Variants in DPP6 observed in about 807,000 individuals in gnomAD.
DPP6 encodes the protein dipeptidyl peptidase like 6.
Under a neutral mutation model 122.6 loss-of-function variants are expected in DPP6, and 69 were observed. The ratio of observed to expected loss-of-function variants is 0.56; its 90% CI spans 0.46 to 0.69. The LOEUF is 0.69. Among genes scored for constraint, DPP6 ranks in the 30% least tolerant of loss-of-function variants. DPP6 has a pLI of 0.00. For missense variants in DPP6, 928 were observed against 1,116.9 expected, an observed-to-expected ratio of 0.83 and a Z score of 2.41; for synonymous variants, 418 against 433.1, an observed-to-expected ratio of 0.97 and a Z score of 0.43.
chr7:154,614,642 A>G (rs1834117868), intron 5 of DPP6, among the ~76,000 whole-genome samples: 1 of 152,252 alleles, frequency 6.6e-6, no homozygotes, highest in Non-Finnish European at 1.5e-5. Flanking sequence ...GCAGCAAGGC[A>G]ATCAGTAGAA....
intron 10 of DPP6, among the ~76,000 whole-genome samples, chr7:154,776,206 T>TAGATAGATAGAG (rs761965926): frequency 1.3e-5 from 1 of 79,904 alleles, no homozygotes; most frequent in South Asian, 5.0e-4. Flanking sequence ...AGATGATAGA[T>TAGATAGATAGAG]AGATAGATAG....
At chr7:154,860,725 G>C (rs1803315315) in intron 17 of DPP6, among the ~76,000 whole-genome samples, 1 of 152,250 alleles carries the variant, frequency 6.6e-6, no homozygotes, top group Non-Finnish European at 1.5e-5. Flanking sequence ...GGGTGCAGCA[G>C]CAGGCGACTG....
At chr7:154,722,115 A>G (rs1841847659) in intron 7 of DPP6, among the ~76,000 whole-genome samples, 1 of 152,082 alleles carries the variant, frequency 6.6e-6, no homozygotes, top group Non-Finnish European at 1.5e-5. Flanking sequence ...GGATTGCTTG[A>G]GCCCAGGAGG....
intron 1 of DPP6, among the ~76,000 whole-genome samples, chr7:154,400,475 G>A (rs890066421): frequency 6.6e-6 from 1 of 152,188 alleles, no homozygotes; most frequent in African/African-American, 2.4e-5. Flanking sequence ...GAGATCATGA[G>A]GAAAGGCTCC....
intron 1 of DPP6, among the ~76,000 whole-genome samples, chr7:154,224,659 G>C (rs1800492718): frequency 6.7e-6 from 1 of 148,964 alleles, no homozygotes; most frequent in Admixed American, 6.6e-5. Context: ...TTTGTTTTTG[G>C]TTTCAAAATG....
chr7:153,861,073 A>C, the DPP6 span, among the ~76,000 whole-genome samples: 6 of 152,226 alleles, frequency 3.9e-5, no homozygotes, highest in South Asian at 1.0e-3. Flanking sequence ...AAATGTTCCC[A>C]GTCAGTTAGC....
intron 1 of DPP6, among the ~76,000 whole-genome samples, chr7:154,231,508 T>C (rs1292138165): frequency 6.6e-6 from 1 of 152,052 alleles, no homozygotes; most frequent in Non-Finnish European, 1.5e-5. Flanking sequence ...TGTTGCTGGG[T>C]CTAATAGCAT....
At chr7:153,872,006 A>C in the DPP6 span, among the ~76,000 whole-genome samples, 6 of 152,180 alleles carry the variant, frequency 3.9e-5, no homozygotes, top group African/African-American at 1.4e-4. Flanking sequence ...TTCTCTTGCA[A>C]ATATCCACAT....
intron 4 of DPP6, among the ~76,000 whole-genome samples, chr7:154,556,229 A>G (rs1830031410): frequency 6.6e-6 from 1 of 152,192 alleles, no homozygotes; most frequent in Non-Finnish European, 1.5e-5. Context: ...AGGTACAAAT[A>G]TTATCTACAC....
chr7:153,804,306 C>T, the DPP6 span, among the ~76,000 whole-genome samples: 2 of 152,068 alleles, frequency 1.3e-5, no homozygotes, highest in East Asian at 1.9e-4. Context: ...CCTGCCTTGG[C>T]CTCCCAAAGT....
At chr7:153,867,033 C>G in the DPP6 span, among the ~76,000 whole-genome samples, 1 of 152,136 alleles carries the variant, frequency 6.6e-6, no homozygotes, top group Non-Finnish European at 1.5e-5. Flanking sequence ...ACCAGTACCA[C>G]GCTGTTTTTG....
rs1563055835 is a variant in DPP6 at position 153,964,982 on chromosome 7, TCC to T, written c.51+77249_51+77250del. Among the ~76,000 whole-genome samples, 713 of 79,138 alleles carry T rather than the reference TCC, an allele frequency of 9.0e-3. 194 individuals are homozygous for T. Among genetic ancestry groups the T allele is most frequent in the African/African-American group, 0.04 (695 of 17,470 alleles). 51.9% of individuals were successfully genotyped at this position (79,138 alleles called of 152,430 possible). On this transcript the variant is annotated intron_variant, in intron 1 of 25. Coordinates refer to the DPP6 transcript ENST00000404039. ...TTTCTTTCTTTCATTTCTTTTCCCT[TCC>T]TTCCTTCCTTCCTTTCTTCCTTCCT...
intron 5 of DPP6, among the ~76,000 whole-genome samples, chr7:154,574,239 G>A (rs980592641): frequency 0.17 from 25,736 of 147,156 alleles, 3,131 homozygotes; most frequent in East Asian, 0.65. Flanking sequence ...TGTGTGGTGT[G>A]GTGTGTATGT....
intron 5 of DPP6, among the ~76,000 whole-genome samples, chr7:154,619,872 G>A (rs1834523494): frequency 6.6e-6 from 1 of 152,226 alleles, no homozygotes; most frequent in African/African-American, 2.4e-5. Context: ...CCCAGGTGAT[G>A]TCTAAGTGGA....
intron 1 of DPP6, among the ~76,000 whole-genome samples, chr7:154,159,626 T>G (rs1796872381): frequency 1.3e-5 from 2 of 152,400 alleles, no homozygotes; most frequent in Admixed American, 1.3e-4. Context: ...CATCATCCAG[T>G]CTGCCTCCCA....
chr7:154,817,578 G>A (rs1026678751), intron 16 of DPP6, among the ~76,000 whole-genome samples: 2 of 152,108 alleles, frequency 1.3e-5, no homozygotes, highest in African/African-American at 4.8e-5. Context: ...ATGAGTGATC[G>A]ATGTTACGAA....
At chr7:154,133,081 C>T (rs989517777) in intron 1 of DPP6, among the ~76,000 whole-genome samples, 2 of 151,316 alleles carry the variant, frequency 1.3e-5, no homozygotes, top group African/African-American at 4.9e-5. Context: ...CATAAACATC[C>T]CAAAAAAAAA....
intron 3 of DPP6, among the ~76,000 whole-genome samples, chr7:154,496,387 G>A (rs1037455561): frequency 1.3e-5 from 2 of 152,172 alleles, no homozygotes; most frequent in Admixed American, 1.3e-4. Flanking sequence ...GACCCGAAGG[G>A]GAGCTATGTG....
At chr7:154,501,198 T>A (rs1825210713) in intron 3 of DPP6, among the ~76,000 whole-genome samples, 1 of 152,038 alleles carries the variant, frequency 6.6e-6, no homozygotes, top group Admixed American at 6.6e-5. Flanking sequence ...TTCAGTTTTA[T>A]AAGGGAAGCA....
Sources: gnomAD v4.1 joint callset for allele counts (sites outside exome capture counted in the v4.1 genomes callset) on GRCh38, gnomAD v4.1.1 for gene constraint, MANE v1.5 for transcripts, NCBI Gene and HGNC (gene_info 2026-07-23, HGNC 2026-07-21) for gene names.